Variants in PACSIN2 observed in about 807,000 individuals in gnomAD.
The protein encoded by PACSIN2 is protein kinase C and casein kinase substrate in neurons protein 2.
A neutral mutation model predicts 63.8 loss-of-function variants in PACSIN2; 25 were observed. The observed-to-expected ratio is 0.39, with a 90% confidence interval of 0.29 to 0.55. The LOEUF (loss-of-function observed/expected upper bound fraction) is 0.55. PACSIN2 is among the 20% of genes least tolerant of loss of function. The pLI, the probability that PACSIN2 is intolerant of heterozygous loss-of-function variation, is 0.62. For synonymous variants in PACSIN2, 255 were observed against 256.2 expected (o/e 1.00, Z 0.05); for missense variants, 518 against 646.9 (o/e 0.80, Z 2.16).
At chr22:42,930,339 C>A (rs560605132) in intron 1 of PACSIN2, among the ~76,000 whole-genome samples, 22 of 152,330 alleles carry the variant, frequency 1.4e-4, no homozygotes, top group Non-Finnish European at 2.1e-4. Context: ...CAACATGCAG[C>A]AGCACCAGGA....
chr22:42,986,982 G>A (rs913005100), intron 1 of PACSIN2, among the ~76,000 whole-genome samples: 6 of 151,906 alleles, frequency 3.9e-5, no homozygotes, highest in African/African-American at 9.7e-5. Context: ...ATACCTACAC[G>A]CACACATACA....
In PACSIN2 at chr22:42,886,154, C is replaced by A. The variant is rs542155816; in HGVS notation, c.610-1593G>T. On this transcript the variant is annotated intron_variant, in intron 5 of 10. Transcript: ENST00000263246. Reference sequence around the variant, plus strand: ...CCCCTGCCCTCAGCCTGTGCCGACCCTGCTAGCCCCAAGTCCTGCCCCCAG... The same window carrying A: ...CCCCTGCCCTCAGCCTGTGCCGACCATGCTAGCCCCAAGTCCTGCCCCCAG... 1.8e-3 allele frequency among the ~76,000 whole-genome samples: 268 copies of A among 152,320 alleles called. 1 individual carries two copies. Among genetic ancestry groups the A allele is most frequent in the African/African-American group, 6.2e-3 (259 of 41,568 alleles).
chr22:42,900,501 G>A (rs563357537), intron 2 of PACSIN2, among the ~76,000 whole-genome samples: 5 of 152,152 alleles, frequency 3.3e-5, no homozygotes, highest in Admixed American at 1.3e-4. Flanking sequence ...TTTTATTTGC[G>A]AGAAGGGTCT....
intron 1 of PACSIN2, among the ~76,000 whole-genome samples, chr22:42,928,806 C>G (rs1278982649): frequency 1.3e-5 from 2 of 152,184 alleles, no homozygotes; most frequent in Non-Finnish European, 2.9e-5. Flanking sequence ...TTTGATAATT[C>G]TGAAGTCATT....
chr22:42,947,636 G>C (rs1432876788), intron 1 of PACSIN2, among the ~76,000 whole-genome samples: 6 of 143,212 alleles, frequency 4.2e-5, no homozygotes, highest in Admixed American at 4.2e-4. Flanking sequence ...GAAGGTCTCT[G>C]AAATCTGCAT....
intron 3 of PACSIN2, among the ~76,000 whole-genome samples, chr22:42,893,145 G>A (rs550050069): frequency 6.6e-6 from 1 of 152,326 alleles, no homozygotes; most frequent in East Asian, 1.9e-4. Flanking sequence ...AAGCGGCAAG[G>A]CCTTCCACGT....
intron 1 of PACSIN2, among the ~76,000 whole-genome samples, chr22:42,945,400 C>A (rs1460545121): frequency 6.6e-6 from 1 of 152,122 alleles, no homozygotes; most frequent in Non-Finnish European, 1.5e-5. Flanking sequence ...TCTGTGCCCA[C>A]ACACCAAACC....
At chr22:42,949,805 T>C (rs910875064) in intron 1 of PACSIN2, among the ~76,000 whole-genome samples, 2 of 152,216 alleles carry the variant, frequency 1.3e-5, no homozygotes, top group Non-Finnish European at 2.9e-5. Flanking sequence ...AATTCTTAAA[T>C]ATTTTCAATA....
chr22:42,885,815 G>A (rs1220411856), intron 5 of PACSIN2, among the ~76,000 whole-genome samples: 1 of 152,070 alleles, frequency 6.6e-6, no homozygotes, highest in Non-Finnish European at 1.5e-5. Context: ...GCTGGGCTTG[G>A]GTCCTCTGTG....
At chr22:42,949,456 ACG>A (rs535326274) in intron 1 of PACSIN2, among the ~76,000 whole-genome samples, 1 of 148,908 alleles carries the variant, frequency 6.7e-6, no homozygotes, top group Non-Finnish European at 1.5e-5. Context: ...TCATACACAC[ACG>A]CGCGCGCACG....
chr22:43,008,570 T>C (rs1423903789), intron 1 of PACSIN2, among the ~76,000 whole-genome samples: 1 of 152,210 alleles, frequency 6.6e-6, no homozygotes, highest in Non-Finnish European at 1.5e-5. Context: ...TTCTTTTACA[T>C]ATATGAGCTC....
At chr22:42,929,233 T>G (rs1045618374) in intron 1 of PACSIN2, among the ~76,000 whole-genome samples, 1 of 152,234 alleles carries the variant, frequency 6.6e-6, no homozygotes, top group Non-Finnish European at 1.5e-5. Flanking sequence ...AGAAAGTCCA[T>G]GCTTCCCAAG....
intron 1 of PACSIN2, among the ~76,000 whole-genome samples, chr22:42,979,100 A>G (rs939566960): frequency 1.5e-4 from 23 of 152,342 alleles, no homozygotes; most frequent in African/African-American, 5.5e-4. Context: ...TCCATTGCCT[A>G]GGAGAAACAG....
chr22:43,006,543 G>C (rs1021818224), intron 1 of PACSIN2, among the ~76,000 whole-genome samples: 1 of 152,170 alleles, frequency 6.6e-6, no homozygotes, highest in African/African-American at 2.4e-5. Context: ...AGCCAGGCAC[G>C]GTGGCTCATG....
At chr22:42,955,906 T>C (rs1185391925) in intron 1 of PACSIN2, among the ~76,000 whole-genome samples, 1 of 152,264 alleles carries the variant, frequency 6.6e-6, no homozygotes, top group Non-Finnish European at 1.5e-5. Flanking sequence ...AGTCATTTCA[T>C]TATCCCCAAA....
chr22:42,873,256 T>C (rs547846489), intron 10 of PACSIN2, among the ~76,000 whole-genome samples: 33 of 151,910 alleles, frequency 2.2e-4, no homozygotes, highest in East Asian at 3.9e-4. Flanking sequence ...TCAAACCCAA[T>C]AGGCAGGATT....
intron 1 of PACSIN2, among the ~76,000 whole-genome samples, chr22:42,923,502 A>T (rs1322281553): frequency 6.6e-6 from 1 of 151,948 alleles, no homozygotes; most frequent in East Asian, 1.9e-4. Context: ...ATCTCGGCTC[A>T]CTGTAAGCTC....
At position 42,912,115 on chromosome 22, in the gene PACSIN2, TAGTC is replaced by T. The variant is rs2146721709; in HGVS notation, c.-39_-36del. 1 of 1,491,364 alleles carries T rather than the reference TAGTC, an allele frequency of 6.7e-7. No individual in the cohort carries two copies. The highest frequency in any genetic ancestry group is 2.0e-5 in the Admixed American group (1 of 48,800). 92.4% of individuals were successfully genotyped at this position (1,491,364 alleles called of 1,614,324 possible). ...GGCTGAGGGAGCAGCAAAGTATACT[TAGTC>T]AGGGGTCAACTTCGAACGCTCAAAA... On this transcript the variant is annotated 5_prime_UTR_variant, in exon 2 of 11. Transcript: ENST00000263246.
intron 1 of PACSIN2, among the ~76,000 whole-genome samples, chr22:42,963,822 T>A (rs1004809032): frequency 3.6e-5 from 5 of 140,140 alleles, no homozygotes; most frequent in Non-Finnish European, 6.1e-5. Flanking sequence ...GGTCGTGTCA[T>A]TTGGAAACAA....
Sources: allele counts gnomAD v4.1 joint callset (sites outside exome capture counted in the v4.1 genomes callset), GRCh38; gene constraint gnomAD v4.1.1; transcripts MANE v1.5; gene names NCBI Gene and HGNC (gene_info 2026-07-23, HGNC 2026-07-21).